Variants in HPS5 observed in about 807,000 individuals in gnomAD.
HPS5 encodes the protein HPS5 biogenesis of lysosomal organelles complex 2 subunit 2, also known as BLOC-2 complex member HPS5.
Under a neutral mutation model 128.0 loss-of-function variants are expected in HPS5, and 83 were observed. The observed-to-expected ratio is 0.65, with a 90% CI of 0.54 to 0.78. The LOEUF is 0.78. Ranked by LOEUF, HPS5 falls within the 30% of genes least tolerant of loss-of-function variation. The pLI, the probability that HPS5 is intolerant of heterozygous loss-of-function variation, is 0.00. For synonymous variants in HPS5, 475 were observed against 470.2 expected (o/e 1.01, Z -0.13); for missense variants, 1,281 against 1,326.2 (o/e 0.97, Z 0.53).
chr11:18,285,379 T>C lies in HPS5; in HGVS notation c.2918A>G (p.Lys973Arg). ...CCTGCAGATGTCTGTCATTTTCTCT[T>C]TGGTTATAAAATCTGCAGGAAGTTT... ...LIKLPADFIT[K>R]EKMTDICRSC... Residue 973 changes from lysine to arginine, a missense_variant, in exon 20 of 23, where the codon AAA becomes AGA. By Grantham distance (26) the Lys-to-Arg change is conservative. Coordinates refer to ENST00000349215, the MANE Select transcript of HPS5 (RefSeq NM_181507.2). 6.2e-7 allele frequency: 1 copy of C among 1,613,098 alleles called. No homozygotes were observed.
At chr11:18,288,233 T>C (rs1246882769) in intron 16 of HPS5, among the ~76,000 whole-genome samples, 1 of 152,206 alleles carries the variant, frequency 6.6e-6, no homozygotes, top group East Asian at 1.9e-4. Flanking sequence ...GCAAAGCATA[T>C]TAAAAGTTTT....
At position 18,295,164 on chromosome 11, in the gene HPS5, G is replaced by C. The variant is rs780864594; in HGVS notation, c.1640C>G (p.Ser547Cys). The C allele has an allele frequency of 1.2e-6, 2 of 1,613,874 alleles. No individual in the cohort carries two copies. Among genetic ancestry groups the C allele is most frequent in the Non-Finnish European group, 1.7e-6 (2 of 1,179,904 alleles). ...VSLQAVKESVSSFVRKTTEKI... is the reference protein window; with the variant it reads ...VSLQAVKESVCSFVRKTTEKI... ...CTCAGTAGTTTTACGCACAAAGCTA[G>C]AAACACTAGAAGTCAAATAACAAAA... The change falls in exon 14 of 23, where the codon TCT becomes TGT. Residue 547 changes from serine (S) to cysteine (C), a missense_variant. Coordinates refer to ENST00000349215, the MANE Select transcript of HPS5 (RefSeq NM_181507.2).
chr11:18,306,986 TTCCTCCTCAGAAACTTA>T (rs1862450115), intron 6 of HPS5, among the ~76,000 whole-genome samples: 1 of 140,296 alleles, frequency 7.1e-6, no homozygotes, highest in African/African-American at 2.6e-5. Flanking sequence ...GATTCCATCA[TTCCTCCTCAGAAACTTA>T]TCATTCCTCC....
At chr11:18,298,674 G>T in intron 10 of HPS5, 118 bp downstream of exon 10, 1 of 941,876 alleles carries the variant, frequency 1.1e-6, no homozygotes, top group Admixed American at 1.7e-5. Flanking sequence ...ATGTATTGCT[G>T]TATCTGTAGG....
rs1861024143 is a variant in HPS5, at chr11:18,296,034, T to C, written c.1599A>G (p.Pro533=). 6.2e-7 allele frequency: 1 copy of C among 1,613,726 alleles called. No homozygotes were observed. The highest frequency in any genetic ancestry group is 8.5e-7 in the Non-Finnish European group (1 of 1,179,704). The part of the protein sequence containing the change: ...PFGIPLPFRS[P]SPLVSLQAVK... ...CAGCCTGAAGAGACACAAGAGGAGA[T>C]GGAGAACGAAATGGTAATGGAATGC... Residue 533 remains proline (P), a synonymous_variant, in exon 13 of 23, where the codon CCA becomes CCG. Coordinates refer to ENST00000349215, the MANE Select transcript of HPS5 (RefSeq NM_181507.2).
At chr11:18,289,203 T>C in intron 16 of HPS5, among the ~76,000 whole-genome samples, 1 of 152,194 alleles carries the variant, frequency 6.6e-6, no homozygotes, top group Non-Finnish European at 1.5e-5. Flanking sequence ...AGTCATTTTT[T>C]CCCCAGTCTC....
At chr11:18,287,401 C>A (rs1859874156) in intron 18 of HPS5, 134 bp downstream of exon 18, 2 of 982,122 alleles carry the variant, frequency 2.0e-6, no homozygotes, top group South Asian at 2.7e-5. Flanking sequence ...CAAGGCCTCC[C>A]AAATCCTCCT....
Position 18,287,958 on chromosome 11 carries a change from T to C in HPS5, c.2496A>G (p.Thr832=). 6.2e-7 allele frequency: 1 copy of C among 1,613,886 alleles called. No homozygotes were observed. The change falls in exon 17 of 23, where the codon ACA becomes ACG. Residue 832 remains threonine, a synonymous_variant. Transcript: ENST00000349215. ...YMEMEKGDLP[T]RLKLLDDEVP... is the part of the protein sequence containing the mutation. The stretch of plus-strand genomic sequence containing the variant: ...CCTCGTCATCTAGTAACTTTAACCT[T>C]GTTGGTAGATCTCCTTTTTCCATCT...
chr11:18,290,334 A>G (rs1018726453), intron 16 of HPS5, among the ~76,000 whole-genome samples: 1 of 152,226 alleles, frequency 6.6e-6, no homozygotes, highest in African/African-American at 2.4e-5. Context: ...TCAGATATTT[A>G]TTACAGCAGT....
At chr11:18,296,261 A>C in intron 12 of HPS5, 139 bp from the exon 13 acceptor site, 1 of 827,650 alleles carries the variant, frequency 1.2e-6, no homozygotes, top group Non-Finnish European at 1.9e-6. Flanking sequence ...CCAGAAACAA[A>C]TGAGTGGAAC....
rs560894275 is a variant in HPS5, at chr11:18,296,478, T to C, written c.1510+320A>G. 1.9e-5 allele frequency: 11 copies of C among 572,356 alleles called. No homozygotes were observed. The African/African-American group carries it at 2.1e-4, about 11-fold the overall frequency. 35.5% of individuals were successfully genotyped at this position (572,356 alleles called of 1,614,324 possible). On this transcript the variant is annotated intron_variant, in intron 12 of 22. Coordinates refer to ENST00000349215, the MANE Select transcript of HPS5 (RefSeq NM_181507.2). ...AACTGCAGTAATTTTTCAATCCTGA[T>C]GAAAAATAATTTGGTTAGTCAGAAT...
chr11:18,305,890 C>T (rs541823160), intron 7 of HPS5, among the ~76,000 whole-genome samples: 1 of 152,094 alleles, frequency 6.6e-6, no homozygotes, highest in Non-Finnish European at 1.5e-5. Flanking sequence ...CCACCACACC[C>T]AGCTAAATTT....
chr11:18,300,926 A>T lies in HPS5; in HGVS notation c.897-10T>A, dbSNP rs1181399586. On this transcript the variant is annotated splice_polypyrimidine_tract_variant and intron_variant, in intron 8 of 22. Transcript: ENST00000349215. Reference sequence around the variant, plus strand: ...CAGCACACAATGCTCACTGCAAGAGAAGAAGTGAAGAGAATTCAAGTGTGC... The same window carrying T: ...CAGCACACAATGCTCACTGCAAGAGTAGAAGTGAAGAGAATTCAAGTGTGC... 6.7e-7 allele frequency: 1 copy of T among 1,495,564 alleles called. No individual in the cohort carries two copies. Among genetic ancestry groups the T allele is most frequent in the Non-Finnish European group, 9.3e-7 (1 of 1,072,216 alleles). The allele number at this position is 1,495,564 out of a possible 1,614,324, so 92.6% of individuals were successfully genotyped here. A position where few individuals can be genotyped will look rare whatever the true frequency, so the allele number is the denominator to read the frequency against.
At chr11:18,303,213 C>A (rs148667681) in intron 8 of HPS5, among the ~76,000 whole-genome samples, 1 of 151,990 alleles carries the variant, frequency 6.6e-6, no homozygotes, top group Non-Finnish European at 1.5e-5. Context: ...TTCATGTTTT[C>A]GAAAAAACTC....
chr11:18,297,832 C>G (rs528637714), intron 10 of HPS5, 115 bp from the exon 11 acceptor site: 2 of 1,014,102 alleles, frequency 2.0e-6, no homozygotes, highest in Non-Finnish European at 3.0e-6. Flanking sequence ...GTAATCCCAG[C>G]ACTCTGGGAG....
At chr11:18,310,663 C>T in intron 5 of HPS5, 78 bp downstream of exon 5, 1 of 1,185,592 alleles carries the variant, frequency 8.4e-7, no homozygotes, top group Non-Finnish European at 1.2e-6. Context: ...TAGATAAAAT[C>T]ACATCCTTTA....
At chr11:18,312,893 A>G (rs1461435595) in intron 2 of HPS5, among the ~76,000 whole-genome samples, 1 of 152,212 alleles carries the variant, frequency 6.6e-6, no homozygotes, top group Non-Finnish European at 1.5e-5. Context: ...CTAACCTCCT[A>G]TGAGATTATA....
At chr11:18,297,064 C>A in intron 11 of HPS5, 80 bp from the exon 12 acceptor site, 1 of 889,860 alleles carries the variant, frequency 1.1e-6, no homozygotes, top group Non-Finnish European at 1.8e-6. Context: ...CAGAGAAATA[C>A]CAACACTCAA....
rs1858610453 is a variant in HPS5 at position 18,279,608 on chromosome 11, C to T, written c.*274G>A. On this transcript the variant is annotated 3_prime_UTR_variant, in exon 23 of 23. Transcript: ENST00000349215. ...GTTCGGAATAATACTAGGACATTAACATTCTAATTCCAGCAAACAAGGACT... is the reference window on the plus strand; with the variant it reads ...GTTCGGAATAATACTAGGACATTAATATTCTAATTCCAGCAAACAAGGACT... The T allele has an allele frequency of 2.0e-6, 1 of 496,208 alleles. No homozygotes were observed. Among genetic ancestry groups the T allele is most frequent in the East Asian group, 3.8e-5 (1 of 26,484 alleles). 30.7% of individuals were successfully genotyped at this position (496,208 alleles called of 1,614,324 possible). A position where few individuals can be genotyped will look rare whatever the true frequency, so the allele number is the denominator to read the frequency against.
Sources: allele counts gnomAD v4.1 joint callset (sites outside exome capture counted in the v4.1 genomes callset), GRCh38; gene constraint gnomAD v4.1.1; transcripts MANE v1.5; gene names NCBI Gene and HGNC (gene_info 2026-07-23, HGNC 2026-07-21).